The following MIIP variants were observed in gnomAD, a reference collection of about 807,000 sequenced individuals.
MIIP encodes the protein migration and invasion inhibitory protein, also known as migration and invasion-inhibitory protein.
In MIIP, 44 loss-of-function variants were observed where a neutral mutation model predicts 44.8. The observed-to-expected ratio is 0.98, with a 90% confidence interval of 0.77 to 1.26. The LOEUF is 1.26. Among genes scored for constraint, MIIP ranks in the 50% most tolerant of loss-of-function variants. MIIP has a pLI of 0.00. For missense variants in MIIP, 496 were observed against 511.7 expected (o/e 0.97, Z 0.30); for synonymous variants, 225 against 218.3 (o/e 1.03, Z -0.27).
chr1:12,023,812 G>A (rs540346732), intron 4 of MIIP, among the ~76,000 whole-genome samples: 45 of 152,034 alleles, frequency 3.0e-4, no homozygotes, highest in African/African-American at 1.1e-3. Context: ...TGACCAACAT[G>A]GTGAAACCCC....
At chr1:12,020,291 A>G (rs1639943468) in intron 1 of MIIP, among the ~76,000 whole-genome samples, 1 of 152,204 alleles carries the variant, frequency 6.6e-6, no homozygotes, top group South Asian at 2.1e-4. Flanking sequence ...GAAAGGAGGA[A>G]GAATCCCTTT....
rs925625456 is a variant in MIIP at position 12,029,708 on chromosome 1, C to G, written c.716-57C>G. On this transcript the variant is annotated intron_variant, in intron 6 of 9. Coordinates refer to ENST00000235332, the MANE Select transcript of MIIP (RefSeq NM_021933.4). ...GGGGGCCGCTGAGGGCAGCACGGAG[C>G]CTGGGGACCTGGGTTCCTGGCTCAG... 3.9e-5 allele frequency: 61 copies of G among 1,582,464 alleles called. No homozygotes were observed. In the East Asian group the frequency reaches 1.4e-3, roughly 35 times the overall value.
intron 4 of MIIP, among the ~76,000 whole-genome samples, chr1:12,027,918 A>G (rs1274113136): frequency 2.6e-5 from 4 of 152,214 alleles, no homozygotes; most frequent in African/African-American, 9.7e-5. Flanking sequence ...CATAAGTTGA[A>G]AATACTGTTT....
In MIIP at chr1:12,030,039, C is replaced by A; in HGVS notation, c.857C>A (p.Pro286Gln). The stretch of plus-strand genomic sequence containing the variant: ...GCCCCCCTGCGCAGGGTGAGCATCC[C>A]GCTGTCGATCCTGGAGCCCCCGCAC... Reference protein sequence around the residue: ...AQPAHVRVSIPLSILEPPHRY... With the variant: ...AQPAHVRVSIQLSILEPPHRY... Residue 286 changes from proline to glutamine, a missense_variant, in exon 8 of 10, where the codon CCG (proline) becomes CAG (glutamine). Coordinates refer to ENST00000235332, the MANE Select transcript of MIIP (RefSeq NM_021933.4). 1 of 1,613,484 alleles carries A rather than the reference C, an allele frequency of 6.2e-7. No individual in the cohort carries two copies. The highest frequency in any genetic ancestry group is 8.5e-7 in the Non-Finnish European group (1 of 1,179,864).
chr1:12,031,287 A>T lies in MIIP; in HGVS notation c.964A>T (p.Ile322Phe). 6.2e-7 allele frequency: 1 copy of T among 1,613,804 alleles called. No individual in the cohort carries two copies. Among genetic ancestry groups the T allele is most frequent in the Non-Finnish European group, 8.5e-7 (1 of 1,179,842 alleles). ...LPRHCLLGWD[I>F]FPPKSEKSSA... ...ACAGCACTGCCTGCTGGGCTGGGACATTTTTCCTCCGAAGTCTGAGAAAAG... is the reference window on the plus strand; with the variant it reads ...ACAGCACTGCCTGCTGGGCTGGGACTTTTTTCCTCCGAAGTCTGAGAAAAG... Residue 322 changes from isoleucine to phenylalanine, a missense_variant, in exon 9 of 10, where the codon ATT becomes TTT. Ile to Phe is a conservative substitution (Grantham distance 21, BLOSUM62 0). Transcript: ENST00000235332.
chr1:12,029,707 G>GCCTGGGGA, intron 6 of MIIP, 58 bp from the exon 7 acceptor site: 1 of 1,582,954 alleles, frequency 6.3e-7, no homozygotes, highest in Non-Finnish European at 8.6e-7. Flanking sequence ...GCAGCACGGA[G>GCCTGGGGA]CCTGGGGACC....
At position 12,031,279 on chromosome 1, in the gene MIIP, G is replaced by A. The variant is rs956051795; in HGVS notation, c.956G>A (p.Gly319Asp). 5 of 1,613,688 alleles carry A rather than the reference G, an allele frequency of 3.1e-6. No homozygotes were observed. In the African/African-American group the frequency reaches 6.7e-5, roughly 22 times the overall value. Residue 319 changes from glycine (G) to aspartate (D), a missense_variant, in exon 9 of 10, where the codon GGC (glycine) becomes GAC (aspartate). By Grantham distance (94) the Gly-to-Asp change is moderately conservative (BLOSUM62 -1). Coordinates refer to ENST00000235332, the MANE Select transcript of MIIP (RefSeq NM_021933.4). ...TLALPRHCLL[G>D]WDIFPPKSEK... ...TGCCTTCCACAGCACTGCCTGCTGGGCTGGGACATTTTTCCTCCGAAGTCT... is the reference window on the plus strand; with the variant it reads ...TGCCTTCCACAGCACTGCCTGCTGGACTGGGACATTTTTCCTCCGAAGTCT...
rs11588779 is a variant in MIIP, at chr1:12,022,824, C to T, written c.463-9C>T. On this transcript the variant is annotated splice_polypyrimidine_tract_variant and intron_variant, in intron 3 of 9. Transcript: ENST00000235332. ...CTTAGTCCTTGTCCCTCTGTGCTTC[C>T]TTCCTCAGCCCAGGGTGACCTTCTC... 362,174 of 1,593,424 alleles carry T rather than the reference C, an allele frequency of 0.23. 43,525 individuals carry two copies. Among genetic ancestry groups the T allele is most frequent in the Non-Finnish European group, 0.25 (287,475 of 1,167,050 alleles).
chr1:12,028,537 T>G (rs943434949), intron 4 of MIIP, among the ~76,000 whole-genome samples: 4 of 152,164 alleles, frequency 2.6e-5, no homozygotes, highest in African/African-American at 9.7e-5. Flanking sequence ...CTGGGAGGTC[T>G]CTGTGGCTTC....
intron 4 of MIIP, 33 bp downstream of exon 4, chr1:12,022,950 C>G: frequency 6.4e-7 from 1 of 1,553,348 alleles, no homozygotes; most frequent in South Asian, 1.2e-5. Flanking sequence ...ACACACTTTG[C>G]CTGGGAGTGG....
At chr1:12,027,056 A>G (rs1171579377) in intron 4 of MIIP, among the ~76,000 whole-genome samples, 3 of 133,328 alleles carry the variant, frequency 2.3e-5, no homozygotes, top group Non-Finnish European at 4.6e-5. Flanking sequence ...CCCAGGCTGG[A>G]GTGCAGTGGA....
chr1:12,026,975 A>T (rs994446960), intron 4 of MIIP, among the ~76,000 whole-genome samples: 5 of 148,306 alleles, frequency 3.4e-5, no homozygotes, highest in African/African-American at 1.0e-4. Context: ...GTTGCCTTCA[A>T]TTTCTCTCCA....
chr1:12,026,284 G>A (rs984581324), intron 4 of MIIP, among the ~76,000 whole-genome samples: 9 of 152,154 alleles, frequency 5.9e-5, no homozygotes, highest in African/African-American at 1.9e-4. Flanking sequence ...TAACCCGGGC[G>A]ACAAAGTGAG....
intron 1 of MIIP, among the ~76,000 whole-genome samples, chr1:12,019,848 C>T (rs1177305096): frequency 2.6e-5 from 4 of 152,268 alleles, no homozygotes; most frequent in Admixed American, 6.5e-5. Flanking sequence ...AAAACGGCGA[C>T]CCTCTGACTA....
chr1:12,019,728 G>A (rs1393935478), intron 1 of MIIP, among the ~76,000 whole-genome samples, 176 bp downstream of exon 1: 1 of 152,272 alleles, frequency 6.6e-6, no homozygotes, highest in African/African-American at 2.4e-5. Flanking sequence ...CTGCGGCCCC[G>A]GTGTTTCTGG....
At chr1:12,023,397 T>C (rs1640027976) in intron 4 of MIIP, among the ~76,000 whole-genome samples, 1 of 148,190 alleles carries the variant, frequency 6.7e-6, no homozygotes, top group South Asian at 2.1e-4. Context: ...TATTTATTTA[T>C]TTATTTATTT....
At position 12,023,220 on chromosome 1, in the gene MIIP, C is replaced by T. The variant is rs181022946; in HGVS notation, c.547+303C>T. 2.3e-3 allele frequency among the ~76,000 whole-genome samples: 353 copies of T among 151,064 alleles called. 7 individuals are homozygous for T. In the East Asian group the frequency reaches 0.04, roughly 17 times the overall value. ...CTGGGATTACAGGCGAGCACCACCA[C>T]GCCCGGCTAATTTTTGTATTTTAAG... On this transcript the variant is annotated intron_variant, in intron 4 of 9. Transcript: ENST00000235332.
Position 12,030,123 on chromosome 1 carries a change from G to C in MIIP, c.941G>C (p.Arg314Pro). 1 of 1,612,244 alleles carries C rather than the reference G, an allele frequency of 6.2e-7. No individual in the cohort carries two copies. Among genetic ancestry groups the C allele is most frequent in the South Asian group, 1.1e-5 (1 of 91,030 alleles). ...GCCTCTGACACACTGGCCCTGCCCC[G>C]GGTGAGCAGCCACGTGGGGCTGGAT... ...FDASDTLALP[R>P]HCLLGWDIFP... The change falls in exon 8 of 10, where the codon CGG (arginine) becomes CCG (proline). Residue 314 changes from arginine (R) to proline (P), a missense_variant and splice_region_variant. Physicochemically the swap from Arg to Pro is moderately radical, Grantham distance 103. Transcript: ENST00000235332.
chr1:12,027,006 C>CTTTTTTTTTTTT (rs752323245), intron 4 of MIIP, among the ~76,000 whole-genome samples: 2 of 129,508 alleles, frequency 1.5e-5, no homozygotes, highest in African/African-American at 2.9e-5. Context: ...TTTTCTTTTT[C>CTTTTTTTTTTTT]TTTTTTTTTT....
Sources: gnomAD v4.1 joint callset for allele counts (sites outside exome capture counted in the v4.1 genomes callset) on GRCh38, gnomAD v4.1.1 for gene constraint, MANE v1.5 for transcripts, NCBI Gene and HGNC (gene_info 2026-07-23, HGNC 2026-07-21) for gene names.